The following DIAPH2 variants were observed in gnomAD, a reference collection of about 807,000 sequenced individuals.
DIAPH2 encodes the protein protein diaphanous homolog 2.
Under a neutral mutation model 92.7 loss-of-function variants are expected in DIAPH2, and 35 were observed. That is an observed-to-expected ratio of 0.38 (90% CI 0.29 to 0.50). The LOEUF (loss-of-function observed/expected upper bound fraction) is 0.50, where lower values mean the gene tolerates loss of function less well. DIAPH2 is among the 20% of genes least tolerant of loss of function. The probability of loss-of-function intolerance (pLI) is 0.94; values close to 1 mark genes in which losing one functional copy is unlikely to be tolerated. For synonymous variants in DIAPH2, 301 were observed against 280.4 expected (o/e 1.07, Z -0.73); for missense variants, 701 against 819.5 (o/e 0.86, Z 1.77).
chrX:97,161,710 G>A (rs762280348), intron 22 of DIAPH2, among the ~76,000 whole-genome samples: 18 of 111,933 alleles, frequency 1.6e-4, no homozygotes, highest in African/African-American at 5.2e-4. Context: ...GCTATTCTAG[G>A]AAAATTATTC....
chrX:97,505,783 A>G (rs996294012), intron 26 of DIAPH2, among the ~76,000 whole-genome samples: 3 of 110,881 alleles, frequency 2.7e-5, no homozygotes, highest in African/African-American at 9.9e-5. Context: ...CCACACCTGT[A>G]CTGACATACT....
At chrX:97,475,368 T>C (rs750355894) in intron 26 of DIAPH2, among the ~76,000 whole-genome samples, 12 of 112,227 alleles carry the variant, frequency 1.1e-4, no homozygotes, top group African/African-American at 3.9e-4. Context: ...GAGGAGAAAA[T>C]GCCCCAAACA....
At chrX:96,868,557 G>A (rs774285944) in intron 4 of DIAPH2, among the ~76,000 whole-genome samples, 1 of 111,556 alleles carries the variant, frequency 9.0e-6, no homozygotes, top group Admixed American at 9.5e-5. Context: ...AGTTTTTACA[G>A]CTGGGCAGAC....
chrX:97,133,474 A>G (rs2067151563), intron 21 of DIAPH2, among the ~76,000 whole-genome samples: 1 of 110,884 alleles, frequency 9.0e-6, no homozygotes, highest in Non-Finnish European at 1.9e-5. Flanking sequence ...TTTAGCGGAG[A>G]TGGGGTTTCA....
intron 4 of DIAPH2, among the ~76,000 whole-genome samples, chrX:96,873,178 C>G (rs903741563): frequency 1.8e-5 from 2 of 111,606 alleles, no homozygotes; most frequent in Non-Finnish European, 3.8e-5. Flanking sequence ...TCCAACAATG[C>G]ATGATGTTGA....
rs950302709 is a variant in DIAPH2 at position 97,214,879 on chromosome X, A to C, written c.2720-32836A>C. Among the ~76,000 whole-genome samples, 10 of 108,378 alleles carry C rather than the reference A, an allele frequency of 9.2e-5. No homozygotes were observed. The East Asian group carries it at 2.9e-3, about 31-fold the overall frequency. 94.1% of individuals were successfully genotyped at this position (108,378 alleles called of 115,157 possible). A position where few individuals can be genotyped will look rare whatever the true frequency, so the allele number is the denominator to read the frequency against. ...AAAAAAAATCCTAAATTTTAAAATGACGATTATAAACTTGAGTATTGATTT... is the reference window on the plus strand; with the variant it reads ...AAAAAAAATCCTAAATTTTAAAATGCCGATTATAAACTTGAGTATTGATTT... On this transcript the variant is annotated intron_variant, in intron 22 of 26. Coordinates refer to ENST00000324765, the MANE Select transcript of DIAPH2 (RefSeq NM_006729.5).
At chrX:96,850,115 G>A (rs1239999971) in intron 4 of DIAPH2, among the ~76,000 whole-genome samples, 1 of 111,046 alleles carries the variant, frequency 9.0e-6, no homozygotes, top group Non-Finnish European at 1.9e-5. Flanking sequence ...TTTCAACAAA[G>A]TCCTCTTGGT....
At chrX:97,463,660 G>T (rs1486460797) in intron 26 of DIAPH2, among the ~76,000 whole-genome samples, 2 of 111,199 alleles carry the variant, frequency 1.8e-5, no homozygotes, top group Non-Finnish European at 3.8e-5. Flanking sequence ...CAAATGCTGG[G>T]ATTATGCTCC....
In DIAPH2 at chrX:96,738,516, T is replaced by C. The variant is rs2064100853; in HGVS notation, c.166-70T>C. 4.3e-6 allele frequency: 4 copies of C among 928,885 alleles called. No homozygotes were observed. In the African/African-American group the frequency reaches 6.0e-5, roughly 14 times the overall value. The allele number at this position is 928,885 out of a possible 1,213,427, so 76.6% of individuals were successfully genotyped here. A position where few individuals can be genotyped will look rare whatever the true frequency, so the allele number is the denominator to read the frequency against. ...ATTATACTAAGTGCCGTTTTGATGT[T>C]TCAATTCTTCATGTTAGTAGTTCTT... On this transcript the variant is annotated intron_variant, in intron 2 of 26. Transcript: ENST00000324765.
At chrX:97,060,650 C>T (rs1240833879) in intron 17 of DIAPH2, among the ~76,000 whole-genome samples, 2 of 111,582 alleles carry the variant, frequency 1.8e-5, no homozygotes, top group Non-Finnish European at 3.8e-5. Flanking sequence ...ATAGGACCCT[C>T]TATTATCTAA....
intron 17 of DIAPH2, among the ~76,000 whole-genome samples, chrX:97,063,505 G>A (rs1230767300): frequency 9.0e-6 from 1 of 111,615 alleles, no homozygotes; most frequent in Non-Finnish European, 1.9e-5. Context: ...GTTGAGCTGC[G>A]TTTTCAGTCA....
At chrX:97,072,141 T>G (rs1249143015) in intron 17 of DIAPH2, among the ~76,000 whole-genome samples, 2 of 111,941 alleles carry the variant, frequency 1.8e-5, no homozygotes, top group Non-Finnish European at 3.8e-5. Context: ...TAATGCTTTA[T>G]TTTCATAGCA....
At chrX:96,971,829 T>C (rs775301631) in intron 17 of DIAPH2, among the ~76,000 whole-genome samples, 122 of 111,817 alleles carry the variant, frequency 1.1e-3, no homozygotes, top group African/African-American at 3.7e-3. Context: ...TTATGCATCA[T>C]AGCCTATTTC....
At chrX:97,485,377 T>C (rs1051170735) in intron 26 of DIAPH2, among the ~76,000 whole-genome samples, 2 of 111,763 alleles carry the variant, frequency 1.8e-5, no homozygotes, top group Admixed American at 9.5e-5. Context: ...ATAATTATAT[T>C]TGCCCCACCT....
At chrX:97,337,125 CTTTT>C (rs1435728084) in intron 23 of DIAPH2, among the ~76,000 whole-genome samples, 1 of 104,982 alleles carries the variant, frequency 9.5e-6, no homozygotes, top group African/African-American at 3.6e-5. Flanking sequence ...TTCTTTCTTT[CTTTT>C]CTTTTTTTTT....
intron 22 of DIAPH2, among the ~76,000 whole-genome samples, chrX:97,163,624 T>TCGGGAC (rs2067391075): frequency 8.9e-6 from 1 of 112,199 alleles, no homozygotes; most frequent in African/African-American, 3.2e-5. Flanking sequence ...GACTTAGTTT[T>TCGGGAC]CCAGATGAGA....
chrX:96,922,029 T>C (rs5920945), intron 9 of DIAPH2, among the ~76,000 whole-genome samples: 371 of 111,376 alleles, frequency 3.3e-3, no homozygotes, highest in Middle Eastern at 0.023. Context: ...GGACAGTGTT[T>C]AAAATACTTT....
intron 26 of DIAPH2, among the ~76,000 whole-genome samples, chrX:97,448,383 C>G (rs2070330405): frequency 1.8e-5 from 2 of 112,031 alleles, no homozygotes; most frequent in Non-Finnish European, 3.8e-5. Context: ...TCTAACCTAA[C>G]ATGAAACTAA....
chrX:97,492,097 T>C (rs2070729153), intron 26 of DIAPH2, among the ~76,000 whole-genome samples: 1 of 112,049 alleles, frequency 8.9e-6, no homozygotes, highest in African/African-American at 3.2e-5. Flanking sequence ...AATATTTTTG[T>C]CTTTTAACTT....
Sources: allele counts gnomAD v4.1 joint callset (sites outside exome capture counted in the v4.1 genomes callset), GRCh38; gene constraint gnomAD v4.1.1; transcripts MANE v1.5; gene names NCBI Gene and HGNC (gene_info 2026-07-23, HGNC 2026-07-21).